The following RASAL2 variants were observed in gnomAD, a reference collection of about 807,000 sequenced individuals.
RASAL2 encodes ras GTPase-activating protein nGAP.
In RASAL2, 58 loss-of-function variants were observed where a neutral mutation model predicts 128.9. That is an observed-to-expected ratio of 0.45 (90% CI 0.36 to 0.56). The LOEUF (loss-of-function observed/expected upper bound fraction) is 0.56, where lower values mean the gene tolerates loss of function less well. RASAL2 is among the 20% of genes least tolerant of loss of function. The pLI is 0.00. For missense variants in RASAL2, 1,360 were observed against 1,601.6 expected, an observed-to-expected ratio of 0.85 and a Z score of 2.57; for synonymous variants, 561 against 580.8, an observed-to-expected ratio of 0.97 and a Z score of 0.49.
At chr1:178,275,761 C>T (rs1218922518) in intron 1 of RASAL2, among the ~76,000 whole-genome samples, 1 of 152,202 alleles carries the variant, frequency 6.6e-6, no homozygotes, top group South Asian at 2.1e-4. Context: ...AAGGAAATTA[C>T]TCACCAGAGA....
chr1:178,129,148 T>G (rs1558069312), intron 1 of RASAL2, among the ~76,000 whole-genome samples: 1 of 152,282 alleles, frequency 6.6e-6, no homozygotes, highest in East Asian at 1.9e-4. Flanking sequence ...GTTTAACCTT[T>G]TGAGGAAATG....
At chr1:178,341,505 C>A in intron 3 of RASAL2, 1 of 1,591,308 alleles carries the variant, frequency 6.3e-7, no homozygotes, top group Non-Finnish European at 8.6e-7. Context: ...AGCAGGAAAG[C>A]GAGCACAGGC....
intron 3 of RASAL2, among the ~76,000 whole-genome samples, chr1:178,355,012 T>A (rs531801670): frequency 1.3e-5 from 2 of 152,278 alleles, no homozygotes; most frequent in South Asian, 4.1e-4. Flanking sequence ...TGGTCCCAGC[T>A]ACTTGGGAGA....
chr1:178,391,184 G>A (rs541481679), intron 4 of RASAL2, among the ~76,000 whole-genome samples: 1 of 152,250 alleles, frequency 6.6e-6, no homozygotes, highest in Admixed American at 6.5e-5. Context: ...GCTGAGGTGG[G>A]AGGATTAATT....
At chr1:178,190,029 A>G (rs1662436064) in intron 1 of RASAL2, among the ~76,000 whole-genome samples, 1 of 152,134 alleles carries the variant, frequency 6.6e-6, no homozygotes, top group Admixed American at 6.5e-5. Flanking sequence ...TAGTGGGTGG[A>G]TGCCAGGGAT....
At position 178,143,137 on chromosome 1, in the gene RASAL2, T is replaced by C. The variant is rs12076308; in HGVS notation, c.202+48443T>C. Among the ~76,000 whole-genome samples, 89 of 152,104 alleles carry C rather than the reference T, an allele frequency of 5.9e-4. 1 individual carries two copies. Among genetic ancestry groups the C allele is most frequent in the African/African-American group, 2.1e-3 (87 of 41,540 alleles). On this transcript the variant is annotated intron_variant, in intron 1 of 17. Coordinates refer to ENST00000367649, the MANE Select transcript of RASAL2 (RefSeq NM_170692.4). ...TGTCACCCACCATTAAATTTTAATATCATAGATGTAATGTATGTTTATTTA... is the reference window on the plus strand; with the variant it reads ...TGTCACCCACCATTAAATTTTAATACCATAGATGTAATGTATGTTTATTTA...
At chr1:178,389,184 A>G (rs1005241257) in intron 3 of RASAL2, 2 of 683,348 alleles carry the variant, frequency 2.9e-6, no homozygotes, top group East Asian at 2.7e-4. Flanking sequence ...ATAACACAGA[A>G]TACTTTTTTT....
chr1:178,264,943 T>A (rs1665876679), intron 1 of RASAL2, among the ~76,000 whole-genome samples: 1 of 152,164 alleles, frequency 6.6e-6, no homozygotes, highest in African/African-American at 2.4e-5. Flanking sequence ...GTCAACTCAT[T>A]AGTATAAACT....
intron 5 of RASAL2, among the ~76,000 whole-genome samples, chr1:178,437,480 AT>A (rs1184457940): frequency 4.6e-5 from 7 of 152,066 alleles, no homozygotes; most frequent in Admixed American, 2.0e-4. Context: ...GTAGACGTTT[AT>A]TTTGTTTGAA....
chr1:178,102,029 TTTTTCATA>T (rs1658919552), intron 1 of RASAL2, among the ~76,000 whole-genome samples: 1 of 151,516 alleles, frequency 6.6e-6, no homozygotes, highest in Non-Finnish European at 1.5e-5. Context: ...TGAGATTTTT[TTTTTCATA>T]TTTTTCCTAA....
intron 1 of RASAL2, among the ~76,000 whole-genome samples, chr1:178,095,818 T>C (rs756668935): frequency 5.3e-5 from 8 of 152,182 alleles, no homozygotes; most frequent in Non-Finnish European, 1.0e-4. Flanking sequence ...TACCACTAAA[T>C]GGCTATGGGA....
At chr1:178,460,648 C>G (rs1309849282) in intron 14 of RASAL2, among the ~76,000 whole-genome samples, 1 of 152,090 alleles carries the variant, frequency 6.6e-6, no homozygotes, top group African/African-American at 2.4e-5. Context: ...AGTGAGATGT[C>G]CAGGTACAGC....
At chr1:178,118,277 G>GGGA (rs1659587475) in intron 1 of RASAL2, among the ~76,000 whole-genome samples, 1 of 152,050 alleles carries the variant, frequency 6.6e-6, no homozygotes, top group South Asian at 2.1e-4. Context: ...TCCACGGATG[G>GGGA]GGAGGAGGTG....
At chr1:178,262,125 T>C (rs1352937164) in intron 1 of RASAL2, among the ~76,000 whole-genome samples, 1 of 152,112 alleles carries the variant, frequency 6.6e-6, no homozygotes, top group African/African-American at 2.4e-5. Flanking sequence ...ATTCCAAGTA[T>C]ATTATTTGGA....
At chr1:178,349,743 TAAG>T (rs943312276) in intron 3 of RASAL2, among the ~76,000 whole-genome samples, 5 of 152,182 alleles carry the variant, frequency 3.3e-5, no homozygotes, top group Non-Finnish European at 5.9e-5. Flanking sequence ...ACAAATTTAA[TAAG>T]AATTTTCCAT....
rs750887855 is a variant in RASAL2, at chr1:178,451,646, T to C, written c.1703T>C (p.Leu568Pro). The C allele has an allele frequency of 3.7e-6, 6 of 1,613,930 alleles. No homozygotes were observed. In the South Asian group the frequency reaches 6.6e-5, roughly 18 times the overall value. Residue 568 changes from leucine to proline, a missense_variant, in exon 10 of 18, where the codon CTG becomes CCG. Coordinates refer to ENST00000367649, the MANE Select transcript of RASAL2 (RefSeq NM_170692.4). Reference sequence around the variant, plus strand: ...CCCAGCAAATGTTCATCTAGTGAACTGATAGACCATCAGAGCAACCTGAAA... The same window carrying C: ...CCCAGCAAATGTTCATCTAGTGAACCGATAGACCATCAGAGCAACCTGAAA... ...VDPSKCSSSE[L>P]IDHQSNLKMC...
At chr1:178,285,912 T>A (rs946841343) in intron 2 of RASAL2, among the ~76,000 whole-genome samples, 1 of 152,226 alleles carries the variant, frequency 6.6e-6, no homozygotes, top group African/African-American at 2.4e-5. Context: ...ATTAGTCAAT[T>A]GAGTTACCTG....
chr1:178,333,614 T>C (rs1669449028), intron 3 of RASAL2, among the ~76,000 whole-genome samples: 1 of 152,216 alleles, frequency 6.6e-6, no homozygotes, highest in Non-Finnish European at 1.5e-5. Context: ...ATACATTATT[T>C]AGTTTTAAAT....
intron 4 of RASAL2, among the ~76,000 whole-genome samples, chr1:178,396,865 G>A (rs974656014): frequency 1.4e-5 from 2 of 146,574 alleles, no homozygotes. Flanking sequence ...TTGAATAGAT[G>A]TTTCTCCAAA....
Sources: allele counts gnomAD v4.1 joint callset (sites outside exome capture counted in the v4.1 genomes callset), GRCh38; gene constraint gnomAD v4.1.1; transcripts MANE v1.5; gene names NCBI Gene and HGNC (gene_info 2026-07-23, HGNC 2026-07-21).